Variants in CLSTN2 observed in about 807,000 individuals in gnomAD.
CLSTN2 encodes calsyntenin 2.
A neutral mutation model predicts 101.2 loss-of-function variants in CLSTN2; 48 were observed. The observed-to-expected ratio is 0.47, with a 90% confidence interval of 0.38 to 0.60. The LOEUF (loss-of-function observed/expected upper bound fraction) is 0.60, where lower values mean the gene tolerates loss of function less well. Ranked by LOEUF, CLSTN2 falls within the 20% of genes least tolerant of loss-of-function variation. The pLI, the probability that CLSTN2 is intolerant of heterozygous loss-of-function variation, is 0.00. For missense variants in CLSTN2, 1,160 were observed against 1,238.2 expected (o/e 0.94, Z 0.95); for synonymous variants, 481 against 463.6 (o/e 1.04, Z -0.48).
chr3:140,150,392 T>C lies in CLSTN2; in HGVS notation c.110-25559T>C, dbSNP rs542016357. Among the ~76,000 whole-genome samples, 7 of 152,356 alleles carry C rather than the reference T, an allele frequency of 4.6e-5. No individual in the cohort carries two copies. In the South Asian group the frequency reaches 1.4e-3, roughly 32 times the overall value. ...AAATGACATCTACATCATTGGATTG[T>C]TGTGAGTTTTCAAAGTATATGGTAA... On this transcript the variant is annotated intron_variant, in intron 1 of 16. Coordinates refer to ENST00000458420, the MANE Select transcript of CLSTN2 (RefSeq NM_022131.3).
At chr3:140,478,812 GAGGA>G (rs528191522) in intron 8 of CLSTN2, among the ~76,000 whole-genome samples, 112 of 150,080 alleles carry the variant, frequency 7.5e-4, no homozygotes, top group African/African-American at 2.4e-3. Flanking sequence ...GGGAGGAAGG[GAGGA>G]GGGAGGGAGG....
At chr3:140,249,634 A>T (rs531665023) in intron 2 of CLSTN2, among the ~76,000 whole-genome samples, 1 of 152,266 alleles carries the variant, frequency 6.6e-6, no homozygotes, top group Admixed American at 6.5e-5. Flanking sequence ...CATTTTACAG[A>T]TGAGAAAATG....
At chr3:140,521,701 C>T (rs1393362227) in intron 8 of CLSTN2, among the ~76,000 whole-genome samples, 2 of 152,224 alleles carry the variant, frequency 1.3e-5, no homozygotes, top group Non-Finnish European at 2.9e-5. Flanking sequence ...CTTGGACTCT[C>T]CAGAGCCAGC....
intron 1 of CLSTN2, among the ~76,000 whole-genome samples, chr3:139,949,799 T>C (rs760639625): frequency 1.3e-5 from 2 of 152,196 alleles, no homozygotes; most frequent in East Asian, 1.9e-4. Context: ...TCTGACACTT[T>C]CCTATGTCAT....
At chr3:140,302,777 C>T (rs1479892389) in intron 2 of CLSTN2, among the ~76,000 whole-genome samples, 1 of 152,068 alleles carries the variant, frequency 6.6e-6, no homozygotes, top group Non-Finnish European at 1.5e-5. Context: ...GAAGAATGCT[C>T]CACTTTGCTA....
At chr3:140,296,732 T>C (rs1422983612) in intron 2 of CLSTN2, among the ~76,000 whole-genome samples, 1 of 152,260 alleles carries the variant, frequency 6.6e-6, no homozygotes, top group Non-Finnish European at 1.5e-5. Context: ...TCCGACCATC[T>C]GTCCCTTTAG....
At chr3:140,110,250 T>C (rs944820148) in intron 1 of CLSTN2, among the ~76,000 whole-genome samples, 2 of 152,168 alleles carry the variant, frequency 1.3e-5, no homozygotes, top group African/African-American at 2.4e-5. Flanking sequence ...GATTCCCAAG[T>C]GGATGTTAAG....
At chr3:140,524,380 A>C (rs1322584487) in intron 8 of CLSTN2, among the ~76,000 whole-genome samples, 1 of 152,212 alleles carries the variant, frequency 6.6e-6, no homozygotes, top group South Asian at 2.1e-4. Flanking sequence ...TGAAGTGAAA[A>C]TATAAGAGGC....
intron 1 of CLSTN2, among the ~76,000 whole-genome samples, chr3:140,108,767 A>G (rs1263417886): frequency 6.6e-6 from 1 of 152,176 alleles, no homozygotes; most frequent in African/African-American, 2.4e-5. Flanking sequence ...AGAAGCACGC[A>G]TCTAAATATG....
At chr3:140,155,005 G>T (rs2009932210) in intron 1 of CLSTN2, among the ~76,000 whole-genome samples, 1 of 152,050 alleles carries the variant, frequency 6.6e-6, no homozygotes, top group Admixed American at 6.6e-5. Context: ...CTCCCATCAG[G>T]CCCCTCCCTT....
intron 2 of CLSTN2, among the ~76,000 whole-genome samples, chr3:140,214,860 G>A (rs2010901670): frequency 1.3e-5 from 2 of 152,166 alleles, no homozygotes; most frequent in South Asian, 2.1e-4. Context: ...CTTTGGAAAA[G>A]CGTAGGTGCC....
rs1301695916 is a variant in CLSTN2, at chr3:140,301,911, T to TC, written c.233-101718_233-101717insC. Among the ~76,000 whole-genome samples, 4 of 152,306 alleles carry TC rather than the reference T, an allele frequency of 2.6e-5. No homozygotes were observed. The South Asian group carries it at 8.3e-4, about 32-fold the overall frequency. On this transcript the variant is annotated intron_variant, in intron 2 of 16. Transcript: ENST00000458420. The stretch of plus-strand genomic sequence containing the variant: ...CTCAAACCATTATAGTATTTTTTTT[T>TC]TTTTGGAAAAGAGTCTTTGCTATTA...
intron 2 of CLSTN2, among the ~76,000 whole-genome samples, chr3:140,187,767 C>T (rs998510553): frequency 6.6e-6 from 1 of 152,160 alleles, no homozygotes; most frequent in Non-Finnish European, 1.5e-5. Context: ...CTCTCATGCC[C>T]ACATTCAGTT....
chr3:140,013,515 C>T (rs2007131686), intron 1 of CLSTN2, among the ~76,000 whole-genome samples: 1 of 152,120 alleles, frequency 6.6e-6, no homozygotes, highest in African/African-American at 2.4e-5. Context: ...GAAATAAGGC[C>T]GTTTGGGTGC....
At chr3:139,959,552 A>G (rs1479827836) in intron 1 of CLSTN2, among the ~76,000 whole-genome samples, 1 of 152,070 alleles carries the variant, frequency 6.6e-6, no homozygotes, top group African/African-American at 2.4e-5. Context: ...TGGGGTCTCT[A>G]GTATTTGACA....
intron 4 of CLSTN2, among the ~76,000 whole-genome samples, chr3:140,411,984 A>G (rs2088369797): frequency 6.6e-6 from 1 of 152,154 alleles, no homozygotes. Context: ...TCAAAGCATT[A>G]ATTAAACAGA....
intron 1 of CLSTN2, among the ~76,000 whole-genome samples, chr3:139,974,662 A>C (rs1935780230): frequency 6.6e-6 from 1 of 152,254 alleles, no homozygotes; most frequent in Non-Finnish European, 1.5e-5. Flanking sequence ...CAGTCCAAGT[A>C]AATCCCTGTT....
At chr3:140,198,936 G>C (rs1225019715) in intron 2 of CLSTN2, among the ~76,000 whole-genome samples, 1 of 152,182 alleles carries the variant, frequency 6.6e-6, no homozygotes, top group East Asian at 1.9e-4. Flanking sequence ...AGGGCCTCTA[G>C]TTTACCTGCC....
intron 2 of CLSTN2, among the ~76,000 whole-genome samples, chr3:140,242,996 T>C (rs1277807081): frequency 1.3e-5 from 2 of 152,240 alleles, no homozygotes; most frequent in Non-Finnish European, 2.9e-5. Context: ...TCCTGACTCA[T>C]TGTTAAGCTT....
Sources: allele counts gnomAD v4.1 joint callset (sites outside exome capture counted in the v4.1 genomes callset), GRCh38; gene constraint gnomAD v4.1.1; transcripts MANE v1.5; gene names NCBI Gene and HGNC (gene_info 2026-07-23, HGNC 2026-07-21).